The following BAIAP2L1 variants were observed in gnomAD, a reference collection of about 807,000 sequenced individuals.
BAIAP2L1 encodes BAR/IMD domain containing adaptor protein 2 like 1, also known as BAR/IMD domain-containing adapter protein 2-like 1.
Under a neutral mutation model 66.3 loss-of-function variants are expected in BAIAP2L1, and 35 were observed. The observed-to-expected ratio is 0.53, with a 90% CI of 0.40 to 0.70. The LOEUF (loss-of-function observed/expected upper bound fraction) is 0.70, where lower values mean the gene tolerates loss of function less well. Ranked by LOEUF, BAIAP2L1 falls within the 30% of genes least tolerant of loss-of-function variation. BAIAP2L1 has a pLI of 0.00. For synonymous variants in BAIAP2L1, 269 were observed against 248.7 expected (o/e 1.08, Z -0.77); for missense variants, 622 against 656.9 (o/e 0.95, Z 0.58).
At chr7:98,296,396 T>C (rs982634309) in intron 12 of BAIAP2L1, among the ~76,000 whole-genome samples, 2 of 152,080 alleles carry the variant, frequency 1.3e-5, no homozygotes, top group Admixed American at 6.5e-5. Flanking sequence ...GAGGCTGAGG[T>C]GGGCGCATCA....
chr7:98,398,090 AAACT>A (rs1803259382), intron 1 of BAIAP2L1, among the ~76,000 whole-genome samples: 1 of 151,336 alleles, frequency 6.6e-6, no homozygotes, highest in Non-Finnish European at 1.5e-5. Context: ...TAAAAACAAA[AAACT>A]AAAACCCATA....
chr7:98,327,979 G>GA (rs562966958), intron 3 of BAIAP2L1, among the ~76,000 whole-genome samples: 1 of 150,546 alleles, frequency 6.6e-6, no homozygotes, highest in Non-Finnish European at 1.5e-5. Flanking sequence ...ACTTGGAGGT[G>GA]AAAAGCCAAA....
chr7:98,357,021 ATATAT>A (rs1336755140), intron 2 of BAIAP2L1, among the ~76,000 whole-genome samples: 1 of 17,904 alleles, frequency 5.6e-5, no homozygotes, highest in African/African-American at 2.9e-4. Flanking sequence ...AAAAAAAAAA[ATATAT>A]ATATATATAT....
chr7:98,301,766 C>T (rs1365144063), intron 12 of BAIAP2L1, among the ~76,000 whole-genome samples: 2 of 151,988 alleles, frequency 1.3e-5, no homozygotes, highest in Non-Finnish European at 2.9e-5. Context: ...TGGAGGCAGC[C>T]GGGGACTGGA....
At chr7:98,335,309 C>G (rs967673652) in intron 3 of BAIAP2L1, among the ~76,000 whole-genome samples, 3 of 123,362 alleles carry the variant, frequency 2.4e-5, no homozygotes, top group Non-Finnish European at 3.9e-5. Context: ...GGGGATATTA[C>G]ATATCATACC....
chr7:98,293,227 C>A lies in BAIAP2L1; in HGVS notation c.*294G>T. Reference sequence around the variant, plus strand: ...TCTGGCTGTTATTAAGGAAAAAATTCATTTAAAAAATACAGTAAAGATTGA... The same window carrying A: ...TCTGGCTGTTATTAAGGAAAAAATTAATTTAAAAAATACAGTAAAGATTGA... On this transcript the variant is annotated 3_prime_UTR_variant, in exon 14 of 14. Coordinates refer to ENST00000005260, the MANE Select transcript of BAIAP2L1 (RefSeq NM_018842.5). 3.0e-6 allele frequency: 1 copy of A among 334,120 alleles called. No individual in the cohort carries two copies. The highest frequency in any genetic ancestry group is 5.4e-6 in the Non-Finnish European group (1 of 184,968). 20.7% of individuals were successfully genotyped at this position (334,120 alleles called of 1,614,324 possible).
At chr7:98,307,500 T>C in intron 10 of BAIAP2L1, 189 bp downstream of exon 10, 1 of 1,433,012 alleles carries the variant, frequency 7.0e-7, no homozygotes. Context: ...ACCAAATGTA[T>C]CTCTACATGC....
chr7:98,304,104 G>C (rs1800535387), intron 12 of BAIAP2L1, 92 bp downstream of exon 12: 12 of 1,350,264 alleles, frequency 8.9e-6, no homozygotes, highest in Admixed American at 3.1e-5. Flanking sequence ...CCTGGGGACA[G>C]AGCAGAGCAA....
At chr7:98,335,152 CAAAAAA>C (rs59557441) in intron 3 of BAIAP2L1, among the ~76,000 whole-genome samples, 11,789 of 54,412 alleles carry the variant, frequency 0.22, 739 homozygotes, top group South Asian at 0.37. Context: ...GACTCCATCT[CAAAAAA>C]AAAAAAAAAA....
At chr7:98,386,294 T>C (rs778568270) in intron 1 of BAIAP2L1, 58 of 1,596,044 alleles carry the variant, frequency 3.6e-5, no homozygotes, top group East Asian at 6.7e-5. Flanking sequence ...CCATGGAAGT[T>C]AGGCAGTTTT....
chr7:98,317,370 G>C lies in BAIAP2L1; in HGVS notation c.349-14C>G, dbSNP rs762393056. The C allele has an allele frequency of 3.1e-6, 5 of 1,612,168 alleles. No homozygotes were observed. Among genetic ancestry groups the C allele is most frequent in the African/African-American group, 1.3e-5 (1 of 74,746 alleles). ...TTTTAGAGTTGCCTGTAAGTTAAAT[G>C]GCTGTGCTTATTTTACTGTGGCACC... is the stretch of plus-strand genomic sequence containing the variant. On this transcript the variant is annotated splice_polypyrimidine_tract_variant and intron_variant, in intron 5 of 13. Transcript: ENST00000005260.
intron 3 of BAIAP2L1, among the ~76,000 whole-genome samples, chr7:98,332,048 A>G (rs1801505657): frequency 6.6e-6 from 1 of 152,222 alleles, no homozygotes; most frequent in Admixed American, 6.6e-5. Flanking sequence ...AGTTCTTCAG[A>G]GACAAAAATC....
In BAIAP2L1 at chr7:98,292,930, A is replaced by C. The variant is rs1050212883; in HGVS notation, c.*591T>G. ...GTGATAAGGGCAGGCAAAGCGTCTT[A>C]GCACTCTACAGCTCTGGCGTGGTTG... On this transcript the variant is annotated 3_prime_UTR_variant, in exon 14 of 14. Coordinates refer to ENST00000005260, the MANE Select transcript of BAIAP2L1 (RefSeq NM_018842.5). The C allele has an allele frequency of 7.4e-7, 1 of 1,354,094 alleles. No individual in the cohort carries two copies. Among genetic ancestry groups the C allele is most frequent in the Non-Finnish European group, 9.5e-7 (1 of 1,054,200 alleles). 83.9% of individuals were successfully genotyped at this position (1,354,094 alleles called of 1,614,324 possible).
At chr7:98,297,301 G>A (rs184448673) in intron 12 of BAIAP2L1, among the ~76,000 whole-genome samples, 297 of 152,320 alleles carry the variant, frequency 1.9e-3, no homozygotes, top group Non-Finnish European at 3.6e-3. Context: ...GAGCTTCCAG[G>A]GTGCCCACCA....
intron 1 of BAIAP2L1, among the ~76,000 whole-genome samples, chr7:98,388,398 C>A (rs1288708331): frequency 1.3e-5 from 2 of 152,206 alleles, no homozygotes; most frequent in Non-Finnish European, 2.9e-5. Context: ...GAGGCCAAGG[C>A]AGGAGAATCG....
chr7:98,307,520 C>A, intron 10 of BAIAP2L1, 169 bp downstream of exon 10: 5 of 1,449,470 alleles, frequency 3.4e-6, no homozygotes, highest in Non-Finnish European at 4.5e-6. Context: ...CACAGACATA[C>A]AGAAAATAGC....
chr7:98,401,081 G>C lies in BAIAP2L1; in HGVS notation c.-229C>G. 8.1e-6 allele frequency: 3 copies of C among 372,094 alleles called. No homozygotes were observed. Among genetic ancestry groups the C allele is most frequent in the Non-Finnish European group, 1.4e-5 (3 of 213,280 alleles). 23.0% of individuals were successfully genotyped at this position (372,094 alleles called of 1,614,324 possible). On this transcript the variant is annotated 5_prime_UTR_variant, in exon 1 of 14. Transcript: ENST00000005260. ...AGGAGCAGAGGAGAAGCGGCCGGAC[G>C]CCGCCAGAGGAAGCTGGGCGGGCCG...
At chr7:98,378,680 G>A (rs1172159857) in intron 1 of BAIAP2L1, among the ~76,000 whole-genome samples, 1 of 152,152 alleles carries the variant, frequency 6.6e-6, no homozygotes, top group Non-Finnish European at 1.5e-5. Context: ...CTGTCGCGCA[G>A]CCTGGAGTAC....
chr7:98,332,454 A>G (rs1171499293), intron 3 of BAIAP2L1, among the ~76,000 whole-genome samples: 1 of 149,908 alleles, frequency 6.7e-6, no homozygotes, highest in African/African-American at 2.5e-5. Flanking sequence ...TCAGTGAGGT[A>G]CAATCTAGTC....
Sources: allele counts gnomAD v4.1 joint callset (sites outside exome capture counted in the v4.1 genomes callset), GRCh38; gene constraint gnomAD v4.1.1; transcripts MANE v1.5; gene names NCBI Gene and HGNC (gene_info 2026-07-23, HGNC 2026-07-21).